The following IL1RAP variants were observed in gnomAD, a reference collection of about 807,000 sequenced individuals.
IL1RAP encodes the protein interleukin 1 receptor accessory protein, also known as interleukin-1 receptor accessory protein.
Under a neutral mutation model 60.7 loss-of-function variants are expected in IL1RAP, and 35 were observed. The ratio of observed to expected loss-of-function variants is 0.58; its 90% CI spans 0.44 to 0.76. The LOEUF is 0.76. Among genes scored for constraint, IL1RAP ranks in the 30% least tolerant of loss-of-function variants. The pLI, the probability that IL1RAP is intolerant of heterozygous loss-of-function variation, is 0.00. For missense variants in IL1RAP, 572 were observed against 693.9 expected (o/e 0.82, Z 1.97); for synonymous variants, 268 against 250.9 (o/e 1.07, Z -0.64).
intron 2 of IL1RAP, among the ~76,000 whole-genome samples, chr3:190,562,168 G>A (rs1377900855): frequency 1.3e-5 from 2 of 152,058 alleles, no homozygotes; most frequent in African/African-American, 4.8e-5. Context: ...CTACCTTTGA[G>A]CATTATTCTC....
chr3:190,651,157 T>C lies in IL1RAP; in HGVS notation c.*2452T>C. 1 of 982,804 alleles carries C rather than the reference T, an allele frequency of 1.0e-6. No homozygotes were observed. The highest frequency in any genetic ancestry group is 1.2e-6 in the Non-Finnish European group (1 of 828,220). 60.9% of individuals were successfully genotyped at this position (982,804 alleles called of 1,614,324 possible). A position where few individuals can be genotyped will look rare whatever the true frequency, so the allele number is the denominator to read the frequency against. The stretch of plus-strand genomic sequence containing the variant: ...TAATTTAGAGAACAAGAACAAACCA[T>C]GTCTCAAATTTTTTTAAAAAAAATT... On this transcript the variant is annotated 3_prime_UTR_variant, in exon 12 of 12. Transcript: ENST00000447382.
intron 3 of IL1RAP, among the ~76,000 whole-genome samples, chr3:190,577,100 CAAAAAAA>C (rs34108263): frequency 3.5e-3 from 302 of 86,532 alleles, no homozygotes; most frequent in African/African-American, 0.012. Context: ...GACTCCGTCT[CAAAAAAA>C]AAAAAAAAAA....
chr3:190,549,560 T>C (rs563368754), intron 1 of IL1RAP, among the ~76,000 whole-genome samples: 1 of 152,108 alleles, frequency 6.6e-6, no homozygotes, highest in Non-Finnish European at 1.5e-5. Flanking sequence ...TTAGAAAACA[T>C]GTATTTAAAT....
rs191309759 is a variant in IL1RAP at position 190,642,619 on chromosome 3, C to T, written c.1052-1629C>T. 404 of 152,264 alleles carry T rather than the reference C, an allele frequency of 2.7e-3. 1 individual carries two copies. The highest frequency in any genetic ancestry group is 3.1e-3 in the Non-Finnish European group (212 of 68,028). The allele number at this position is 152,264 out of a possible 1,614,324, so 9.4% of individuals were successfully genotyped here. A position where few individuals can be genotyped will look rare whatever the true frequency, so the allele number is the denominator to read the frequency against. The stretch of plus-strand genomic sequence containing the variant: ...TCCCTCACCACCTTATGCAGTACAC[C>T]GCCCTTGCCCCAGTCCCACCCTTCA... On this transcript the variant is annotated intron_variant, in intron 9 of 11. Coordinates refer to ENST00000447382, the MANE Select transcript of IL1RAP (RefSeq NM_002182.4).
intron 10 of IL1RAP, among the ~76,000 whole-genome samples, chr3:190,644,954 G>A (rs1285816817): frequency 6.6e-6 from 1 of 152,166 alleles, no homozygotes; most frequent in Non-Finnish European, 1.5e-5. Flanking sequence ...AGAGATCTGT[G>A]AACCAGCAGC....
intron 3 of IL1RAP, among the ~76,000 whole-genome samples, chr3:190,595,544 G>T (rs185748861): frequency 1.6e-3 from 240 of 152,302 alleles, no homozygotes; most frequent in African/African-American, 5.3e-3. Context: ...CATACCACTA[G>T]AAAAACAAAC....
chr3:190,616,670 A>G (rs1731301032), intron 5 of IL1RAP, among the ~76,000 whole-genome samples: 1 of 152,202 alleles, frequency 6.6e-6, no homozygotes, highest in African/African-American at 2.4e-5. Context: ...AACTCTTTGT[A>G]TCTTTACATC....
chr3:190,648,941 A>G lies in IL1RAP; in HGVS notation c.*236A>G. Reference sequence around the variant, plus strand: ...TCTCTGATGCCACTATGTTCTTTGCAGGCAAAGACTTGTTCAATGCGAATT... The same window carrying G: ...TCTCTGATGCCACTATGTTCTTTGCGGGCAAAGACTTGTTCAATGCGAATT... On this transcript the variant is annotated 3_prime_UTR_variant, in exon 12 of 12. Coordinates refer to ENST00000447382, the MANE Select transcript of IL1RAP (RefSeq NM_002182.4). The G allele has an allele frequency of 3.9e-6, 5 of 1,282,134 alleles. 1 individual carries two copies. Among genetic ancestry groups the G allele is most frequent in the Non-Finnish European group, 4.9e-6 (5 of 1,013,884 alleles). The allele number at this position is 1,282,134 out of a possible 1,614,324, so 79.4% of individuals were successfully genotyped here.
At chr3:190,620,664 G>A (rs911606064) in intron 6 of IL1RAP, among the ~76,000 whole-genome samples, 1 of 152,120 alleles carries the variant, frequency 6.6e-6, no homozygotes, top group African/African-American at 2.4e-5. Context: ...TGAAGTAAAG[G>A]TAGTTTGGGG....
At chr3:190,646,009 A>G (rs949579954) in intron 11 of IL1RAP, among the ~76,000 whole-genome samples, 167 bp downstream of exon 11, 1 of 152,216 alleles carries the variant, frequency 6.6e-6, no homozygotes, top group African/African-American at 2.4e-5. Flanking sequence ...GGAAATGTAT[A>G]CTATTCAACT....
At chr3:190,623,159 A>G (rs1731927837) in intron 6 of IL1RAP, among the ~76,000 whole-genome samples, 185 bp from the exon 7 acceptor site, 1 of 152,162 alleles carries the variant, frequency 6.6e-6, no homozygotes, top group African/African-American at 2.4e-5. Flanking sequence ...TATTTCCTTT[A>G]TTTTATGCTT....
chr3:190,569,557 G>A (rs1726728288), intron 3 of IL1RAP, among the ~76,000 whole-genome samples: 1 of 151,186 alleles, frequency 6.6e-6, no homozygotes, highest in South Asian at 2.1e-4. Context: ...TCATTTAAAT[G>A]ATGCCTCTCG....
At chr3:190,577,006 C>T (rs1171342048) in intron 3 of IL1RAP, among the ~76,000 whole-genome samples, 2 of 147,578 alleles carry the variant, frequency 1.4e-5, no homozygotes, top group Non-Finnish European at 3.0e-5. Flanking sequence ...GAGGCTGAGG[C>T]AGGAGAATGG....
At chr3:190,586,937 A>G (rs1728512385) in intron 3 of IL1RAP, among the ~76,000 whole-genome samples, 1 of 152,186 alleles carries the variant, frequency 6.6e-6, no homozygotes, top group South Asian at 2.1e-4. Flanking sequence ...CAAGGATGTC[A>G]TGTTTTTCAT....
Position 190,629,238 on chromosome 3 carries a change from C to G in IL1RAP, c.903-112C>G. 4.3e-6 allele frequency: 3 copies of G among 692,570 alleles called. No individual in the cohort carries two copies. The South Asian group carries it at 6.1e-5, about 14-fold the overall frequency. The allele number at this position is 692,570 out of a possible 1,614,324, so 42.9% of individuals were successfully genotyped here. A position where few individuals can be genotyped will look rare whatever the true frequency, so the allele number is the denominator to read the frequency against. On this transcript the variant is annotated intron_variant, in intron 8 of 11. Transcript: ENST00000447382. The stretch of plus-strand genomic sequence containing the variant: ...TAGGTGGCTCAGCTTATCAACCTTC[C>G]TCGCCCTCACCTGTAGTGGGGGTCT...
intron 3 of IL1RAP, among the ~76,000 whole-genome samples, chr3:190,590,416 G>A (rs569751994): frequency 8.8e-4 from 134 of 151,950 alleles, no homozygotes; most frequent in Middle Eastern, 3.4e-3. Flanking sequence ...CCACATTCCC[G>A]GCTAATTTTT....
chr3:190,586,203 G>T (rs185636161), intron 3 of IL1RAP, among the ~76,000 whole-genome samples: 1 of 152,284 alleles, frequency 6.6e-6, no homozygotes, highest in African/African-American at 2.4e-5. Flanking sequence ...TTTAGCATTT[G>T]CTTCATTTTG....
chr3:190,648,450 C>G lies in IL1RAP; in HGVS notation c.1458C>G (p.Gly486=). The G allele has an allele frequency of 1.9e-6, 3 of 1,614,084 alleles. No individual in the cohort carries two copies. The highest frequency in any genetic ancestry group is 2.5e-6 in the Non-Finnish European group (3 of 1,180,010). Residue 486 remains glycine, a synonymous_variant, in exon 12 of 12, where the codon GGC becomes GGG. Transcript: ENST00000447382. ...AAGCCCTCCTGGAGCTCAAGGCTGGCCTAGAAAATATGGCCTCTCGGGGCA... is the reference window on the plus strand; with the variant it reads ...AAGCCCTCCTGGAGCTCAAGGCTGGGCTAGAAAATATGGCCTCTCGGGGCA... ...GTQALLELKA[G]LENMASRGNI...
intron 1 of IL1RAP, among the ~76,000 whole-genome samples, chr3:190,515,045 T>G (rs1178333880): frequency 1.3e-5 from 2 of 152,132 alleles, no homozygotes; most frequent in African/African-American, 4.8e-5. Flanking sequence ...CACCTTCTGG[T>G]TGTGAAATTG....
Sources: gnomAD v4.1 joint callset for allele counts (sites outside exome capture counted in the v4.1 genomes callset) on GRCh38, gnomAD v4.1.1 for gene constraint, MANE v1.5 for transcripts, NCBI Gene and HGNC (gene_info 2026-07-23, HGNC 2026-07-21) for gene names.